BACH2: variants seen among roughly 807,000 people sequenced by gnomAD.
BACH2 encodes BACH transcriptional regulator 2, also known as transcription regulator protein BACH2.
In BACH2, 5 loss-of-function variants were observed where a neutral mutation model predicts 61.8. The ratio of observed to expected loss-of-function variants is 0.08; its 90% CI spans 0.04 to 0.17. The LOEUF (loss-of-function observed/expected upper bound fraction) is 0.17. Among genes scored for constraint, BACH2 ranks in the 10% least tolerant of loss-of-function variants. The pLI is 1.00. For missense variants in BACH2, 824 were observed against 1,091.1 expected, an observed-to-expected ratio of 0.76 and a Z score of 3.45; for synonymous variants, 446 against 440.1, an observed-to-expected ratio of 1.01 and a Z score of -0.17.
intron 6 of BACH2, among the ~76,000 whole-genome samples, chr6:89,988,691 T>C (rs1776374579): frequency 6.6e-6 from 1 of 152,192 alleles, no homozygotes; most frequent in Non-Finnish European, 1.5e-5. Flanking sequence ...TGGCTGCAAG[T>C]ACTGGCATTT....
At chr6:90,108,203 GAC>G (rs1783008933) in intron 4 of BACH2, among the ~76,000 whole-genome samples, 1 of 152,122 alleles carries the variant, frequency 6.6e-6, no homozygotes, top group Non-Finnish European at 1.5e-5. Context: ...GTCTTGAAAT[GAC>G]ACAGACTTAG....
chr6:90,284,520 C>G (rs1771959624), intron 1 of BACH2, among the ~76,000 whole-genome samples: 1 of 152,188 alleles, frequency 6.6e-6, no homozygotes, highest in Non-Finnish European at 1.5e-5. Flanking sequence ...CCAGTATTTT[C>G]CTTTCTGCAT....
At chr6:90,249,662 C>T (rs554845097) in intron 3 of BACH2, among the ~76,000 whole-genome samples, 207 of 152,204 alleles carry the variant, frequency 1.4e-3, no homozygotes, top group African/African-American at 4.8e-3. Flanking sequence ...GTCTCAACTA[C>T]TCGAGAGGCT....
intron 7 of BACH2, among the ~76,000 whole-genome samples, chr6:89,948,174 T>C (rs1325479122): frequency 6.6e-6 from 1 of 152,036 alleles, no homozygotes; most frequent in Non-Finnish European, 1.5e-5. Flanking sequence ...GCAAATGTCA[T>C]AAAAACACCA....
intron 3 of BACH2, among the ~76,000 whole-genome samples, chr6:90,225,151 G>A (rs574003515): frequency 7.0e-4 from 107 of 152,252 alleles, no homozygotes; most frequent in Non-Finnish European, 1.3e-3. Flanking sequence ...TTCTGAGGCC[G>A]AGGCGGGTGG....
At chr6:89,943,498 A>C (rs966858242) in intron 7 of BACH2, among the ~76,000 whole-genome samples, 4 of 152,076 alleles carry the variant, frequency 2.6e-5, no homozygotes, top group African/African-American at 7.2e-5. Context: ...ATATAAGACA[A>C]AAGAAGGGAA....
At chr6:90,214,146 A>G (rs2127852938) in intron 3 of BACH2, among the ~76,000 whole-genome samples, 1 of 152,338 alleles carries the variant, frequency 6.6e-6, no homozygotes, top group South Asian at 2.1e-4. Context: ...CATGTTTGCC[A>G]ATAGTGCACG....
intron 7 of BACH2, among the ~76,000 whole-genome samples, chr6:89,947,788 GTC>G (rs1346740755): frequency 6.6e-6 from 1 of 151,950 alleles, no homozygotes; most frequent in Non-Finnish European, 1.5e-5. Flanking sequence ...AGCCAGGATG[GTC>G]TCGATCTCCC....
At position 90,169,303 on chromosome 6, in the gene BACH2, A is replaced by G. The variant is rs181141600; in HGVS notation, c.-162+37266T>C. Among the ~76,000 whole-genome samples the G allele has an allele frequency of 5.6e-3, 857 of 152,274 alleles. 10 individuals are homozygous for G. The highest frequency in any genetic ancestry group is 8.6e-3 in the Non-Finnish European group (584 of 68,004). On this transcript the variant is annotated intron_variant, in intron 4 of 8. Transcript: ENST00000257749. Reference sequence around the variant, plus strand: ...TACAAGAAGATGGAGAGTCTCCCCAATTTTTTACTGTGAAGAAAAGTCTAA... The same window carrying G: ...TACAAGAAGATGGAGAGTCTCCCCAGTTTTTTACTGTGAAGAAAAGTCTAA...
rs184040376 is a variant in BACH2, at chr6:89,984,855, C to T, written c.243+23747G>A. 5.7e-3 allele frequency among the ~76,000 whole-genome samples: 875 copies of T among 152,188 alleles called. 9 individuals carry two copies. The highest frequency in any genetic ancestry group is 6.4e-3 in the Non-Finnish European group (432 of 68,014). ...TCTGCAAAATCTCAAGTTTAACACA[C>T]GAATCATACTTTCTGCAATACATAT... On this transcript the variant is annotated intron_variant, in intron 6 of 8. Transcript: ENST00000257749.
rs749374458 is a variant in BACH2, at chr6:90,225,066, TAACAAC to T, written c.-274-18391_-274-18386del. Among the ~76,000 whole-genome samples the T allele has an allele frequency of 1.2e-3, 182 of 151,422 alleles. 1 individual carries two copies. The highest frequency in any genetic ancestry group is 7.5e-3 in the South Asian group (36 of 4,790). On this transcript the variant is annotated intron_variant, in intron 3 of 8. Transcript: ENST00000257749. ...TGTTCTAGAGGCTTGAAATACATCA[TAACAAC>T]AACAACAACAACAACAACAACAACA... is the stretch of plus-strand genomic sequence containing the variant.
At chr6:90,295,854 C>G (rs1772344716) in intron 1 of BACH2, among the ~76,000 whole-genome samples, 2 of 152,292 alleles carry the variant, frequency 1.3e-5, no homozygotes, top group Middle Eastern at 3.4e-3. Context: ...TCGCCTCTTC[C>G]TGCGACCCTA....
chr6:90,271,411 A>G (rs1055393473), intron 2 of BACH2, among the ~76,000 whole-genome samples: 1 of 151,282 alleles, frequency 6.6e-6, no homozygotes, highest in Non-Finnish European at 1.5e-5. Context: ...GGAAAAGAAA[A>G]AAAAAGAAAA....
chr6:90,230,406 T>C (rs1770056657), intron 3 of BACH2, among the ~76,000 whole-genome samples: 2 of 152,188 alleles, frequency 1.3e-5, no homozygotes, highest in Admixed American at 1.3e-4. Context: ...ATTAAACAGT[T>C]TGATGCATAT....
intron 2 of BACH2, among the ~76,000 whole-genome samples, chr6:90,256,854 A>G (rs529103521): frequency 4.4e-4 from 67 of 152,154 alleles, no homozygotes; most frequent in Non-Finnish European, 3.7e-4. Context: ...ACTACTTTGT[A>G]TCCTCTGACC....
In BACH2 at chr6:90,111,218, G is replaced by A. The variant is rs1353303394; in HGVS notation, c.-161-22109C>T. Among the ~76,000 whole-genome samples, 5 of 152,162 alleles carry A rather than the reference G, an allele frequency of 3.3e-5. No homozygotes were observed. In the East Asian group the frequency reaches 9.6e-4, roughly 29 times the overall value. ...CCCAGGAACCCACAGACCACACTTTGAGAACTGTGGCACTAGCTTGCCATC... is the reference window on the plus strand; with the variant it reads ...CCCAGGAACCCACAGACCACACTTTAAGAACTGTGGCACTAGCTTGCCATC... On this transcript the variant is annotated intron_variant, in intron 4 of 8. Transcript: ENST00000257749.
intron 5 of BACH2, among the ~76,000 whole-genome samples, chr6:90,060,143 CAAAGA>C (rs554108069): frequency 9.8e-4 from 144 of 146,998 alleles, no homozygotes; most frequent in African/African-American, 3.6e-3. Context: ...AAAAAAAAAA[CAAAGA>C]AAACAAACAA....
intron 6 of BACH2, among the ~76,000 whole-genome samples, chr6:89,981,269 C>G (rs1191403291): frequency 6.6e-6 from 1 of 151,854 alleles, no homozygotes; most frequent in Non-Finnish European, 1.5e-5. Context: ...GTAGCCGGGA[C>G]TACAGGTGCC....
chr6:90,095,310 A>T (rs1338209474), intron 4 of BACH2, among the ~76,000 whole-genome samples: 1 of 152,014 alleles, frequency 6.6e-6, no homozygotes, highest in East Asian at 1.9e-4. Context: ...TGAACCACAG[A>T]TCTTGTGGCT....
Sources: allele counts gnomAD v4.1 joint callset (sites outside exome capture counted in the v4.1 genomes callset), GRCh38; gene constraint gnomAD v4.1.1; transcripts MANE v1.5; gene names NCBI Gene and HGNC (gene_info 2026-07-23, HGNC 2026-07-21).